Variants in MAN2A1 observed in about 807,000 individuals in gnomAD.
MAN2A1 encodes the protein alpha-mannosidase 2.
A neutral mutation model predicts 142.6 loss-of-function variants in MAN2A1; 76 were observed. The ratio of observed to expected loss-of-function variants is 0.53; its 90% confidence interval spans 0.44 to 0.65. The LOEUF is 0.65. MAN2A1 is among the 30% of genes least tolerant of loss of function. The pLI, the probability that MAN2A1 is intolerant of heterozygous loss-of-function variation, is 0.00. For missense variants in MAN2A1, 1,311 were observed against 1,365.1 expected, an observed-to-expected ratio of 0.96 and a Z score of 0.62; for synonymous variants, 559 against 473.2, an observed-to-expected ratio of 1.18 and a Z score of -2.35.
intron 1 of MAN2A1, among the ~76,000 whole-genome samples, chr5:109,697,016 G>A (rs1485073455): frequency 6.6e-6 from 1 of 152,186 alleles, no homozygotes; most frequent in Non-Finnish European, 1.5e-5. Context: ...TTTCCAATTG[G>A]ACGTGTGTAT....
At chr5:109,819,927 C>T in intron 14 of MAN2A1, 40 bp downstream of exon 14, 1 of 1,367,022 alleles carries the variant, frequency 7.3e-7, no homozygotes, top group Non-Finnish European at 1.0e-6. Context: ...GAATGCTTAT[C>T]ATTTTTGCTA....
At chr5:109,732,337 C>T (rs1279844672) in intron 4 of MAN2A1, among the ~76,000 whole-genome samples, 1 of 151,948 alleles carries the variant, frequency 6.6e-6, no homozygotes, top group African/African-American at 2.4e-5. Flanking sequence ...ATGGTAGTTT[C>T]TTTTGCTGTG....
In MAN2A1 at chr5:109,814,695, AC is replaced by A. The variant is rs543140827; in HGVS notation, c.1944-2576del. Among the ~76,000 whole-genome samples the A allele has an allele frequency of 5.3e-5, 8 of 152,330 alleles. No homozygotes were observed. In the East Asian group the frequency reaches 9.6e-4, roughly 18 times the overall value. On this transcript the variant is annotated intron_variant, in intron 12 of 21. Transcript: ENST00000261483. ...AGCTACTAAAATGAAACAAAATAGAACCTAGTTCATAGCTTATTATAAAAAG... is the reference window on the plus strand; with the variant it reads ...AGCTACTAAAATGAAACAAAATAGAACTAGTTCATAGCTTATTATAAAAAG...
In MAN2A1 at chr5:109,690,480, G is replaced by C. The variant is rs138695861; in HGVS notation, c.63G>C (p.Ser21=). 5.0e-6 allele frequency: 8 copies of C among 1,613,886 alleles called. No individual in the cohort carries two copies. Among genetic ancestry groups the C allele is most frequent in the Non-Finnish European group, 6.8e-6 (8 of 1,179,932 alleles). Residue 21 remains serine, a synonymous_variant, in exon 1 of 22, where the codon TCG becomes TCC. Transcript: ENST00000261483. ...CGATCTTCTGTGTGGTGATTTTCTCGCTCTACCTGATGCTGGACCGGGGTC... is the reference window on the plus strand; with the variant it reads ...CGATCTTCTGTGTGGTGATTTTCTCCCTCTACCTGATGCTGGACCGGGGTC... ...GSAIFCVVIF[S]LYLMLDRGHL...
At chr5:109,724,221 A>G (rs1751683234) in intron 3 of MAN2A1, among the ~76,000 whole-genome samples, 1 of 152,158 alleles carries the variant, frequency 6.6e-6, no homozygotes, top group Non-Finnish European at 1.5e-5. Context: ...ATTTTTTCAT[A>G]GAAAATACCT....
intron 16 of MAN2A1, among the ~76,000 whole-genome samples, chr5:109,838,433 A>C (rs1197466525): frequency 6.6e-6 from 1 of 152,184 alleles, no homozygotes; most frequent in South Asian, 2.1e-4. Context: ...TTAGTAAAAA[A>C]AATAGCATTT....
chr5:109,857,873 T>G (rs1164516107), intron 20 of MAN2A1, among the ~76,000 whole-genome samples: 1 of 152,168 alleles, frequency 6.6e-6, no homozygotes, highest in Non-Finnish European at 1.5e-5. Flanking sequence ...CCACCCTCCC[T>G]ACCTGTGGGC....
rs1392986086 is a variant in MAN2A1, at chr5:109,767,716, G to A, written c.1009+8G>A. The stretch of plus-strand genomic sequence containing the variant: ...TTTGGAGACAGAATTGGGGTATGTA[G>A]GGTTTGATGAAAGTTGATCCCATTT... On this transcript the variant is annotated splice_region_variant and intron_variant, in intron 6 of 21. Transcript: ENST00000261483. 5.6e-6 allele frequency: 9 copies of A among 1,607,066 alleles called. No homozygotes were observed. The highest frequency in any genetic ancestry group is 7.6e-6 in the Non-Finnish European group (9 of 1,178,572).
chr5:109,692,445 A>G (rs143947725), intron 1 of MAN2A1, among the ~76,000 whole-genome samples: 1 of 152,268 alleles, frequency 6.6e-6, no homozygotes, highest in African/African-American at 2.4e-5. Flanking sequence ...CCTCAAGCAG[A>G]TAGACATTCT....
rs542869834 is a variant in MAN2A1 at position 109,859,533 on chromosome 5, C to T, written c.3171+4199C>T. 3.3e-5 allele frequency among the ~76,000 whole-genome samples: 5 copies of T among 152,140 alleles called. 1 individual carries two copies. In the East Asian group the frequency reaches 9.7e-4, roughly 29 times the overall value. ...TTTCCTATTCTGTTGGCCTGTCTTTCAACTCTTTTCCTTGATCACACCTTT... is the reference window on the plus strand; with the variant it reads ...TTTCCTATTCTGTTGGCCTGTCTTTTAACTCTTTTCCTTGATCACACCTTT... On this transcript the variant is annotated intron_variant, in intron 20 of 21. Coordinates refer to ENST00000261483, the MANE Select transcript of MAN2A1 (RefSeq NM_002372.4).
intron 7 of MAN2A1, among the ~76,000 whole-genome samples, chr5:109,773,263 A>T (rs114355359): frequency 9.9e-5 from 15 of 152,244 alleles, no homozygotes; most frequent in African/African-American, 3.6e-4. Flanking sequence ...CAGGCTTGAG[A>T]GTTAGGATAG....
At chr5:109,733,843 T>C (rs1329501790) in intron 4 of MAN2A1, among the ~76,000 whole-genome samples, 24 of 152,204 alleles carry the variant, frequency 1.6e-4, no homozygotes, top group East Asian at 9.6e-4. Context: ...TGTGTCTCTG[T>C]CAGGCTTTGG....
chr5:109,736,346 T>A (rs1752097575), intron 4 of MAN2A1, among the ~76,000 whole-genome samples: 1 of 151,950 alleles, frequency 6.6e-6, no homozygotes, highest in South Asian at 2.1e-4. Context: ...TAAAGGCAAT[T>A]TTTTGATTAA....
intron 3 of MAN2A1, among the ~76,000 whole-genome samples, chr5:109,718,685 C>T (rs1021592634): frequency 4.6e-5 from 7 of 152,198 alleles, no homozygotes; most frequent in South Asian, 4.1e-4. Context: ...TGCACACACA[C>T]GCCTCCACGC....
chr5:109,837,017 G>A (rs893716426), intron 16 of MAN2A1, among the ~76,000 whole-genome samples: 11 of 150,738 alleles, frequency 7.3e-5, no homozygotes, highest in African/African-American at 2.7e-4. Context: ...TTGTGACACA[G>A]CATTCCATAA....
rs748826375 is a variant in MAN2A1 at position 109,867,735 on chromosome 5, A to G, written c.*737A>G. 5.9e-5 allele frequency: 9 copies of G among 152,734 alleles called. No individual in the cohort carries two copies. Among genetic ancestry groups the G allele is most frequent in the Non-Finnish European group, 1.2e-4 (8 of 68,018 alleles). 9.5% of individuals were successfully genotyped at this position (152,734 alleles called of 1,614,324 possible). ...GCAATTCCATAGGTACCATAAACCT[A>G]TTTTAGGTACCACAAGGTGTCTTTT... On this transcript the variant is annotated 3_prime_UTR_variant, in exon 22 of 22. Transcript: ENST00000261483.
intron 12 of MAN2A1, among the ~76,000 whole-genome samples, chr5:109,796,484 A>G (rs556804414): frequency 6.6e-6 from 1 of 152,318 alleles, no homozygotes; most frequent in Admixed American, 6.5e-5. Flanking sequence ...TAATAGATCT[A>G]TTGCCAGCCT....
rs762685131 is a variant in MAN2A1 at position 109,767,561 on chromosome 5, A to G, written c.862A>G (p.Ile288Val). 10 of 1,613,530 alleles carry G rather than the reference A, an allele frequency of 6.2e-6. No homozygotes were observed. Among genetic ancestry groups the G allele is most frequent in the South Asian group, 4.4e-5 (4 of 90,984 alleles). The change falls in exon 6 of 22, where the codon ATT (isoleucine) becomes GTT (valine). Residue 288 changes from isoleucine (I) to valine (V), a missense_variant. Ile to Val is a conservative substitution (Grantham distance 29). Around this residue, in one of 3 missense-constraint regions of MAN2A1, gnomAD observed 409 missense variants for 412.7 expected, o/e 0.99. Coordinates refer to ENST00000261483, the MANE Select transcript of MAN2A1 (RefSeq NM_002372.4). ...IGVKPRSGWAIDPFGHSPTMA... is the reference protein window; with the variant it reads ...IGVKPRSGWAVDPFGHSPTMA... The stretch of plus-strand genomic sequence containing the variant: ...AGTGAAACCTCGGTCCGGCTGGGCT[A>G]TTGATCCCTTTGGACACTCACCAAC...
At chr5:109,829,708 T>G (rs2112739672) in intron 16 of MAN2A1, among the ~76,000 whole-genome samples, 2 of 152,320 alleles carry the variant, frequency 1.3e-5, no homozygotes, top group Middle Eastern at 6.8e-3. Context: ...AAAGCCCTGC[T>G]CTTGTCTGCA....
Sources: allele counts gnomAD v4.1 joint callset (sites outside exome capture counted in the v4.1 genomes callset), GRCh38; gene constraint gnomAD v4.1.1; regional missense constraint gnomAD v4.1.1; transcripts MANE v1.5; gene names NCBI Gene and HGNC (gene_info 2026-07-23, HGNC 2026-07-21).